The following ZNF469 variants were observed in gnomAD, a reference collection of about 807,000 sequenced individuals.
ZNF469 encodes the protein zinc finger protein 469.
A neutral mutation model predicts 1.0 loss-of-function variants in ZNF469; 1 was observed. The observed-to-expected ratio is 1.00, with a 90% confidence interval of 0.35 to 4.73. ZNF469 has a LOEUF of 4.73. Ranked by LOEUF, ZNF469 falls within the 30% of genes most tolerant of loss-of-function variation. The probability of loss-of-function intolerance (pLI) is 0.16; values close to 1 mark genes in which losing one functional copy is unlikely to be tolerated. For synonymous variants in ZNF469, 2,703 were observed against 2,363.4 expected, an observed-to-expected ratio of 1.14 and a Z score of -4.17; for missense variants, 6,100 against 5,356.3, an observed-to-expected ratio of 1.14 and a Z score of -4.33.
the ZNF469 span, among the ~76,000 whole-genome samples, chr16:88,188,835 T>C: frequency 6.6e-6 from 1 of 152,126 alleles, no homozygotes; most frequent in Non-Finnish European, 1.5e-5. Flanking sequence ...TCTGTGGAGT[T>C]TGAGGAGCAC....
Position 88,435,234 on chromosome 16 carries a change from G to T in ZNF469, c.7764G>T (p.Pro2588=). The T allele has an allele frequency of 1.3e-6, 2 of 1,550,362 alleles. No individual in the cohort carries two copies. Among genetic ancestry groups the T allele is most frequent in the Non-Finnish European group, 1.7e-6 (2 of 1,146,990 alleles). ...PTEHEVDVKT[P]ASKPRPDQAR... Reference sequence around the variant, plus strand: ...AGCATGAGGTAGATGTGAAGACTCCGGCCTCCAAGCCCAGACCAGACCAGG... The same window carrying T: ...AGCATGAGGTAGATGTGAAGACTCCTGCCTCCAAGCCCAGACCAGACCAGG... Residue 2588 remains proline (P), a synonymous_variant, in exon 3 of 3, where the codon CCG becomes CCT. Coordinates refer to ENST00000565624, the MANE Select transcript of ZNF469 (RefSeq NM_001367624.2).
the ZNF469 span, among the ~76,000 whole-genome samples, chr16:88,260,900 G>A: frequency 5.9e-5 from 9 of 152,182 alleles, no homozygotes; most frequent in Non-Finnish European, 1.2e-4. This position sits in a 1 kb window ranked among gnomAD's most constrained non-coding sequence, Gnocchi z 4.1. Flanking sequence ...TTAAGACACG[G>A]AGAAAAGGAG....
chr16:88,404,820 C>T (rs558547215), intron 1 of ZNF469, among the ~76,000 whole-genome samples: 4 of 152,278 alleles, frequency 2.6e-5, no homozygotes, highest in South Asian at 4.1e-4. Flanking sequence ...AGGACAAAAT[C>T]GGCACCCAAC....
At chr16:88,371,084 G>T in the ZNF469 span, among the ~76,000 whole-genome samples, 1 of 152,212 alleles carries the variant, frequency 6.6e-6, no homozygotes, top group Non-Finnish European at 1.5e-5. Flanking sequence ...CCAGAAAATG[G>T]CCCACATGCT....
At chr16:88,309,284 C>A in the ZNF469 span, among the ~76,000 whole-genome samples, 2 of 152,232 alleles carry the variant, frequency 1.3e-5, no homozygotes, top group African/African-American at 4.8e-5. Context: ...ACAGCGGTGA[C>A]CTGTGGTGGC....
At chr16:88,281,121 TGC>T in the ZNF469 span, among the ~76,000 whole-genome samples, 8 of 144,674 alleles carry the variant, frequency 5.5e-5, no homozygotes. Flanking sequence ...TCAATTTTGG[TGC>T]GTGGGTTAAT....
chr16:88,359,303 G>C, the ZNF469 span, among the ~76,000 whole-genome samples: 4 of 151,836 alleles, frequency 2.6e-5, no homozygotes, highest in African/African-American at 9.7e-5. Context: ...GTGTCCCGGG[G>C]GCTCGGTATC....
the ZNF469 span, among the ~76,000 whole-genome samples, chr16:88,267,969 G>A: frequency 1.1e-4 from 16 of 151,776 alleles, no homozygotes; most frequent in African/African-American, 3.2e-4. Context: ...CAAGGGAACC[G>A]ATTTCTCCAC....
chr16:88,179,341 C>T, the ZNF469 span, among the ~76,000 whole-genome samples: 2 of 152,160 alleles, frequency 1.3e-5, no homozygotes, highest in East Asian at 1.9e-4. Context: ...GTTAAAAGAG[C>T]GTGGCCCCTC....
chr16:88,374,794 C>T, the ZNF469 span, among the ~76,000 whole-genome samples: 1 of 138,830 alleles, frequency 7.2e-6, no homozygotes, highest in Non-Finnish European at 1.7e-5. Context: ...CTGAGATCGA[C>T]GCTGCTGAGC....
the ZNF469 span, among the ~76,000 whole-genome samples, chr16:88,199,553 G>A: frequency 3.3e-5 from 5 of 152,176 alleles, no homozygotes; most frequent in African/African-American, 1.2e-4. Context: ...CTCCCAGCCC[G>A]CTCTCCTCTG....
intron 1 of ZNF469, among the ~76,000 whole-genome samples, chr16:88,398,444 G>C (rs1293459947): frequency 4.0e-5 from 6 of 150,302 alleles, no homozygotes; most frequent in South Asian, 2.1e-4. Flanking sequence ...GAAGGGACAT[G>C]TGAGACATGG....
the ZNF469 span, among the ~76,000 whole-genome samples, chr16:88,243,904 C>A: frequency 1.9e-5 from 1 of 51,300 alleles, no homozygotes; most frequent in Non-Finnish European, 4.2e-5. Flanking sequence ...TGATGGCTGG[C>A]TGGATGCATA....
chr16:88,320,747 A>T, the ZNF469 span, among the ~76,000 whole-genome samples: 2 of 152,192 alleles, frequency 1.3e-5, no homozygotes, highest in East Asian at 3.9e-4. Context: ...GGAGACCCGC[A>T]ACAGCCTCCT....
Position 88,429,991 on chromosome 16 carries a change from G to T in ZNF469, c.2521G>T (p.Asp841Tyr). Reference protein sequence around the residue: ...DLDMEDDAKLDSLITEALNGM... With the variant: ...DLDMEDDAKLYSLITEALNGM... Reference sequence around the variant, plus strand: ...GGACATGGAGGATGACGCCAAGCTGGACAGCCTCATCACAGAGGCGCTCAA... The same window carrying T: ...GGACATGGAGGATGACGCCAAGCTGTACAGCCTCATCACAGAGGCGCTCAA... Residue 841 changes from aspartate to tyrosine, a missense_variant, in exon 3 of 3, where the codon GAC becomes TAC. Asp to Tyr is a radical substitution (Grantham distance 160, BLOSUM62 -3). Coordinates refer to ENST00000565624, the MANE Select transcript of ZNF469 (RefSeq NM_001367624.2). The T allele has an allele frequency of 6.5e-7, 1 of 1,550,374 alleles. No individual in the cohort carries two copies. The highest frequency in any genetic ancestry group is 8.7e-7 in the Non-Finnish European group (1 of 1,146,966).
the ZNF469 span, among the ~76,000 whole-genome samples, chr16:88,249,674 G>T: frequency 1.3e-5 from 2 of 151,834 alleles, no homozygotes; most frequent in African/African-American, 4.8e-5. Flanking sequence ...CTGACCTTGT[G>T]ATCCGCCCAC....
chr16:88,374,502 G>A, the ZNF469 span, among the ~76,000 whole-genome samples: 4 of 152,242 alleles, frequency 2.6e-5, no homozygotes, highest in Non-Finnish European at 5.9e-5. Flanking sequence ...GGGAAAGGCT[G>A]TGAGTCTAGA....
At position 88,400,821 on chromosome 16, in the gene ZNF469, G is replaced by A. The variant is rs145285950; in HGVS notation, c.-192+17567G>A. On this transcript the variant is annotated intron_variant, in intron 1 of 2. Coordinates refer to ENST00000565624, the MANE Select transcript of ZNF469 (RefSeq NM_001367624.2). Reference sequence around the variant, plus strand: ...CAGAATCTCTTCAGATCGTGTTCACGGGGTCACCTGGGAGCATCTTCAGTA... The same window carrying A: ...CAGAATCTCTTCAGATCGTGTTCACAGGGTCACCTGGGAGCATCTTCAGTA... 2.4e-4 allele frequency among the ~76,000 whole-genome samples: 37 copies of A among 152,066 alleles called. No homozygotes were observed. The East Asian group carries it at 7.0e-3, about 29-fold the overall frequency.
chr16:88,167,052 T>TG, the ZNF469 span, among the ~76,000 whole-genome samples: 1 of 111,328 alleles, frequency 9.0e-6, no homozygotes, highest in South Asian at 3.1e-4. Flanking sequence ...GCAGGCTTAT[T>TG]CTTTTTTTTT....
Sources: allele counts gnomAD v4.1 joint callset (sites outside exome capture counted in the v4.1 genomes callset), GRCh38; gene constraint gnomAD v4.1.1; non-coding constraint Gnocchi (gnomAD v3.1); transcripts MANE v1.5; gene names NCBI Gene and HGNC (gene_info 2026-07-23, HGNC 2026-07-21).